The following FRAS1 variants were observed in gnomAD, a reference collection of about 807,000 sequenced individuals.
The protein encoded by FRAS1 is Fraser extracellular matrix complex subunit 1.
In FRAS1, 290 loss-of-function variants were observed where a neutral mutation model predicts 435.2. The ratio of observed to expected loss-of-function variants is 0.67; its 90% confidence interval spans 0.61 to 0.73. The LOEUF is 0.73. Among genes scored for constraint, FRAS1 ranks in the 30% least tolerant of loss-of-function variants. FRAS1 has a pLI of 0.00. For synonymous variants in FRAS1, 1,800 were observed against 1,851.0 expected (o/e 0.97, Z 0.71); for missense variants, 4,860 against 5,001.5 (o/e 0.97, Z 0.85).
At position 78,519,447 on chromosome 4, in the gene FRAS1, T is replaced by G; in HGVS notation, c.10506T>G (p.Phe3502Leu). 1 of 1,611,800 alleles carries G rather than the reference T, an allele frequency of 6.2e-7. No individual in the cohort carries two copies. Among genetic ancestry groups the G allele is most frequent in the Non-Finnish European group, 8.5e-7 (1 of 1,179,096 alleles). Residue 3502 changes from phenylalanine (F) to leucine (L), a missense_variant, in exon 67 of 74, where the codon TTT (phenylalanine) becomes TTG (leucine). Transcript: ENST00000512123. ...ASLEHHTEME[F>L]SFFYDTVLWR... ...TGGAGCACCACACCGAGATGGAGTT[T>G]TCTTTCTTCTATGACACTGTTCTCT...
intron 61 of FRAS1, 135 bp from the exon 62 acceptor site, chr4:78,507,286 C>T: frequency 1.3e-6 from 1 of 756,198 alleles, no homozygotes. Flanking sequence ...TGATTAGCAG[C>T]CACTGCGTTT....
At chr4:78,420,920 A>G (rs948038243) in intron 33 of FRAS1, among the ~76,000 whole-genome samples, 33 of 120,956 alleles carry the variant, frequency 2.7e-4, no homozygotes, top group African/African-American at 1.1e-3. Context: ...ATATATATAT[A>G]TTTATATAAA....
At chr4:78,518,307 A>G (rs968846858) in intron 66 of FRAS1, among the ~76,000 whole-genome samples, 6 of 151,362 alleles carry the variant, frequency 4.0e-5, no homozygotes, top group African/African-American at 1.5e-4. Context: ...TTAATTACCC[A>G]TAGAAACACT....
intron 2 of FRAS1, among the ~76,000 whole-genome samples, chr4:78,100,755 C>T (rs766206401): frequency 7.2e-5 from 11 of 151,924 alleles, no homozygotes; most frequent in East Asian, 3.9e-4. Context: ...TGTGTGTGTG[C>T]GTGTGTGTAT....
At chr4:78,242,188 T>C (rs1361707825) in intron 3 of FRAS1, among the ~76,000 whole-genome samples, 1 of 152,238 alleles carries the variant, frequency 6.6e-6, no homozygotes, top group East Asian at 1.9e-4. Flanking sequence ...TTAGTCAGAC[T>C]TCCTCAGTCT....
intron 15 of FRAS1, among the ~76,000 whole-genome samples, chr4:78,314,951 C>T (rs928035138): frequency 6.6e-6 from 1 of 151,982 alleles, no homozygotes; most frequent in Non-Finnish European, 1.5e-5. Flanking sequence ...TATTTCTTTT[C>T]CTGTATTAGA....
At chr4:78,374,375 G>C (rs1342378371) in intron 25 of FRAS1, 124 bp downstream of exon 25, 1 of 945,082 alleles carries the variant, frequency 1.1e-6, no homozygotes, top group East Asian at 2.5e-5. Context: ...AGAGGGCTTA[G>C]CCTAAGTAAT....
chr4:78,341,669 G>T (rs1730403452), intron 20 of FRAS1, among the ~76,000 whole-genome samples: 1 of 152,128 alleles, frequency 6.6e-6, no homozygotes, highest in South Asian at 2.1e-4. Context: ...CAGCCCTGGG[G>T]GGTAAGGGAG....
chr4:78,115,787 G>A (rs1743123881), intron 2 of FRAS1, among the ~76,000 whole-genome samples: 1 of 151,878 alleles, frequency 6.6e-6, no homozygotes, highest in Non-Finnish European at 1.5e-5. Context: ...TCAGCTCCTG[G>A]ATTCATTGAT....
At chr4:78,506,473 C>G (rs1406477066) in intron 61 of FRAS1, among the ~76,000 whole-genome samples, 1 of 152,246 alleles carries the variant, frequency 6.6e-6, no homozygotes, top group African/African-American at 2.4e-5. Flanking sequence ...ACCCCTCCCC[C>G]AGCCAGGCTA....
In FRAS1 at chr4:78,403,082, G is replaced by A. The variant is rs974449407; in HGVS notation, c.4129+2195G>A. 2.0e-5 allele frequency among the ~76,000 whole-genome samples: 3 copies of A among 151,926 alleles called. No homozygotes were observed. The East Asian group carries it at 5.8e-4, about 29-fold the overall frequency. The stretch of plus-strand genomic sequence containing the variant: ...AATTAGTAAGTTTCCTGTTCTCATC[G>A]TACTTTCAACTACTGATTTTAAGCT... On this transcript the variant is annotated intron_variant, in intron 30 of 73. Transcript: ENST00000512123.
intron 20 of FRAS1, among the ~76,000 whole-genome samples, chr4:78,344,501 C>A (rs1730524274): frequency 1.1e-5 from 1 of 91,260 alleles, no homozygotes; most frequent in Non-Finnish European, 2.2e-5. Context: ...ATTCCAGAGT[C>A]TGGAATGTGA....
At chr4:78,176,827 G>A (rs1192609364) in intron 2 of FRAS1, among the ~76,000 whole-genome samples, 1 of 152,178 alleles carries the variant, frequency 6.6e-6, no homozygotes, top group Non-Finnish European at 1.5e-5. Context: ...CAAGGAAGGG[G>A]CCTTGTAGCA....
intron 2 of FRAS1, among the ~76,000 whole-genome samples, chr4:78,231,775 TG>T (rs1210819107): frequency 6.6e-6 from 1 of 152,084 alleles, no homozygotes; most frequent in African/African-American, 2.4e-5. Context: ...TGAAACAAGT[TG>T]TTTTTTTTTT....
intron 2 of FRAS1, among the ~76,000 whole-genome samples, chr4:78,108,552 G>A (rs1474015729): frequency 4.9e-5 from 5 of 102,736 alleles, no homozygotes; most frequent in East Asian, 2.5e-4. Context: ...TGAAACCAAC[G>A]AGAACAAAGA....
intron 27 of FRAS1, among the ~76,000 whole-genome samples, chr4:78,380,366 G>A (rs147193257): frequency 6.6e-6 from 1 of 152,284 alleles, no homozygotes; most frequent in East Asian, 1.9e-4. Context: ...AGAGGATGGA[G>A]CACATTCTTT....
At position 78,372,865 on chromosome 4, in the gene FRAS1, G is replaced by A. The variant is rs777195887; in HGVS notation, c.3010+7G>A. Reference sequence around the variant, plus strand: ...GACTCGGGCCTCTGCAAGAGTAAGTGTGTAGAGGCCCTGCTCTGTGCTCAG... The same window carrying A: ...GACTCGGGCCTCTGCAAGAGTAAGTATGTAGAGGCCCTGCTCTGTGCTCAG... On this transcript the variant is annotated splice_region_variant and intron_variant, in intron 24 of 73. Transcript: ENST00000512123. The A allele has an allele frequency of 1.2e-5, 19 of 1,611,878 alleles. No homozygotes were observed. Among genetic ancestry groups the A allele is most frequent in the Admixed American group, 1.2e-4 (7 of 59,984 alleles).
At chr4:78,068,107 A>G (rs1740144826) in intron 2 of FRAS1, among the ~76,000 whole-genome samples, 1 of 152,220 alleles carries the variant, frequency 6.6e-6, no homozygotes, top group Non-Finnish European at 1.5e-5. Flanking sequence ...AATGACAATT[A>G]GAGACCTGCT....
chr4:78,272,950 G>A (rs577423836), intron 9 of FRAS1, among the ~76,000 whole-genome samples: 58 of 152,300 alleles, frequency 3.8e-4, no homozygotes, highest in African/African-American at 1.4e-3. Flanking sequence ...CATGAGCATG[G>A]AATGTTCTTC....
Sources: allele counts gnomAD v4.1 joint callset (sites outside exome capture counted in the v4.1 genomes callset), GRCh38; gene constraint gnomAD v4.1.1; transcripts MANE v1.5; gene names NCBI Gene and HGNC (gene_info 2026-07-23, HGNC 2026-07-21).